JAM3: variants seen among roughly 807,000 people sequenced by gnomAD.
JAM3 encodes junctional adhesion molecule C.
Under a neutral mutation model 39.4 loss-of-function variants are expected in JAM3, and 31 were observed. The ratio of observed to expected loss-of-function variants is 0.79; its 90% CI spans 0.59 to 1.06. JAM3 has a LOEUF of 1.06. Among genes scored for constraint, JAM3 ranks in the 50% least tolerant of loss-of-function variants. The probability of loss-of-function intolerance (pLI) is 0.00; values close to 1 mark genes in which losing one functional copy is unlikely to be tolerated. For missense variants in JAM3, 455 were observed against 391.4 expected (o/e 1.16, Z -1.37); for synonymous variants, 182 against 148.7 (o/e 1.22, Z -1.63).
At chr11:134,088,231 T>A (rs1941776452) in intron 1 of JAM3, among the ~76,000 whole-genome samples, 1 of 152,178 alleles carries the variant, frequency 6.6e-6, no homozygotes, top group Non-Finnish European at 1.5e-5. Flanking sequence ...TGGCATATGT[T>A]TAAAATTTCG....
chr11:134,114,490 T>A (rs1942382756), intron 1 of JAM3, among the ~76,000 whole-genome samples: 2 of 152,168 alleles, frequency 1.3e-5, no homozygotes, highest in African/African-American at 2.4e-5. Flanking sequence ...GATCAGATGG[T>A]TGTAGATGTG....
intron 3 of JAM3, among the ~76,000 whole-genome samples, chr11:134,143,418 G>C (rs2120868071): frequency 6.6e-6 from 1 of 152,024 alleles, no homozygotes; most frequent in East Asian, 1.9e-4. Context: ...TTTTTTTCTA[G>C]AAACAGGATC....
intron 1 of JAM3, among the ~76,000 whole-genome samples, chr11:134,132,748 G>C (rs1942791335): frequency 6.6e-6 from 1 of 152,176 alleles, no homozygotes; most frequent in Non-Finnish European, 1.5e-5. Flanking sequence ...TTCACTGAGA[G>C]AACCAGGGAG....
chr11:134,094,645 C>G (rs1941942839), intron 1 of JAM3, among the ~76,000 whole-genome samples: 1 of 64,904 alleles, frequency 1.5e-5, no homozygotes, highest in Admixed American at 1.3e-4. Flanking sequence ...TCATCATGTT[C>G]CACCTTAAAT....
Position 134,144,377 on chromosome 11 carries a change from C to T in JAM3, c.393C>T (p.Ile131=), listed in dbSNP as rs752502218. The change falls in exon 4 of 9, where the codon ATC becomes ATT. Residue 131 remains isoleucine (I), a synonymous_variant. Coordinates refer to ENST00000299106, the MANE Select transcript of JAM3 (RefSeq NM_032801.5). ...NDRKEIDEIV[I]ELTVQVKPVT... ...GCAAGGAAATTGATGAGATTGTGAT[C>T]GAGTTAACTGTGCAAGGTAGGAGCT... 3.7e-6 allele frequency: 6 copies of T among 1,614,132 alleles called. No individual in the cohort carries two copies. The highest frequency in any genetic ancestry group is 2.2e-5 in the East Asian group (1 of 44,874).
At chr11:134,093,089 T>C (rs866429901) in intron 1 of JAM3, among the ~76,000 whole-genome samples, 1 of 123,198 alleles carries the variant, frequency 8.1e-6, no homozygotes, top group East Asian at 3.2e-4. Flanking sequence ...TCATGTTCCA[T>C]CTTACATGTC....
intron 1 of JAM3, among the ~76,000 whole-genome samples, chr11:134,131,309 CTT>C (rs1942765041): frequency 6.6e-6 from 1 of 151,938 alleles, no homozygotes; most frequent in African/African-American, 2.4e-5. Context: ...TGATTATACT[CTT>C]ATAATAGCTG....
chr11:134,136,835 C>T (rs777330203), intron 1 of JAM3, among the ~76,000 whole-genome samples: 8 of 152,136 alleles, frequency 5.3e-5, no homozygotes, highest in Non-Finnish European at 1.2e-4. Context: ...ATAAAAAGGC[C>T]GGGCGCAGTG....
At chr11:134,100,647 A>T (rs540352960) in intron 1 of JAM3, among the ~76,000 whole-genome samples, 1 of 152,128 alleles carries the variant, frequency 6.6e-6, no homozygotes, top group Non-Finnish European at 1.5e-5. Context: ...GGCTGATACC[A>T]TGTGAATGCA....
At chr11:134,078,223 G>A (rs567279970) in intron 1 of JAM3, among the ~76,000 whole-genome samples, 18 of 152,112 alleles carry the variant, frequency 1.2e-4, no homozygotes, top group African/African-American at 4.1e-4. Flanking sequence ...AAGTTCAAGC[G>A]ATTCTCCCGC....
At chr11:134,075,073 T>C (rs1941544076) in intron 1 of JAM3, among the ~76,000 whole-genome samples, 1 of 146,872 alleles carries the variant, frequency 6.8e-6, no homozygotes, top group Non-Finnish European at 1.5e-5. Context: ...AATCAGCCAA[T>C]CCATATTTAT....
At chr11:134,127,042 C>G (rs1452493679) in intron 1 of JAM3, among the ~76,000 whole-genome samples, 1 of 152,182 alleles carries the variant, frequency 6.6e-6, no homozygotes, top group African/African-American at 2.4e-5. Flanking sequence ...CATTTCTGGT[C>G]AAGCATGCAC....
chr11:134,147,521 C>G (rs568219494), intron 6 of JAM3, among the ~76,000 whole-genome samples: 70 of 149,770 alleles, frequency 4.7e-4, no homozygotes, highest in African/African-American at 1.6e-3. Context: ...GAGTCTCGCT[C>G]TGTCACCCAG....
At position 134,098,763 on chromosome 11, in the gene JAM3, T is replaced by C. The variant is rs564423846; in HGVS notation, c.76+29604T>C. 3.3e-5 allele frequency among the ~76,000 whole-genome samples: 5 copies of C among 152,210 alleles called. No individual in the cohort carries two copies. The South Asian group carries it at 1.0e-3, about 32-fold the overall frequency. On this transcript the variant is annotated intron_variant, in intron 1 of 8. Coordinates refer to ENST00000299106, the MANE Select transcript of JAM3 (RefSeq NM_032801.5). Reference sequence around the variant, plus strand: ...GGTGATTTCAGAGCTAGCTTGCAGGTGGAGCTCCACCTGCTGATACTTGTG... The same window carrying C: ...GGTGATTTCAGAGCTAGCTTGCAGGCGGAGCTCCACCTGCTGATACTTGTG...
chr11:134,111,332 CAG>C (rs1942306299), intron 1 of JAM3, among the ~76,000 whole-genome samples: 1 of 151,708 alleles, frequency 6.6e-6, no homozygotes, highest in Non-Finnish European at 1.5e-5. Context: ...TTAGTAGAGA[CAG>C]GGTTTCACCA....
At chr11:134,144,709 C>T (rs1053499522) in intron 4 of JAM3, 83 bp from the exon 5 acceptor site, 6 of 1,289,442 alleles carry the variant, frequency 4.7e-6, no homozygotes, top group South Asian at 1.2e-5. Flanking sequence ...GCTGTCTTGT[C>T]TTTGGAGCTG....
intron 1 of JAM3, among the ~76,000 whole-genome samples, chr11:134,078,567 T>TA (rs1163946910): frequency 1.3e-5 from 2 of 152,218 alleles, no homozygotes; most frequent in African/African-American, 4.8e-5. Context: ...AACTATGACT[T>TA]ATGTGAGATC....
intron 1 of JAM3, among the ~76,000 whole-genome samples, chr11:134,082,344 A>G (rs573440997): frequency 1.1e-4 from 16 of 152,274 alleles, no homozygotes; most frequent in African/African-American, 3.9e-4. Flanking sequence ...TTGGGAAGGT[A>G]TGATTGGTTT....
chr11:134,069,234 G>C (rs1462088755), intron 1 of JAM3, 75 bp downstream of exon 1: 1 of 1,549,398 alleles, frequency 6.5e-7, no homozygotes, highest in African/African-American at 1.4e-5. Context: ...GAAGCTGCTG[G>C]AGCCGGTCCG....
Sources: allele counts gnomAD v4.1 joint callset (sites outside exome capture counted in the v4.1 genomes callset), GRCh38; gene constraint gnomAD v4.1.1; transcripts MANE v1.5; gene names NCBI Gene and HGNC (gene_info 2026-07-23, HGNC 2026-07-21).